Variants in OSBPL10 observed in about 807,000 individuals in gnomAD.
OSBPL10 encodes oxysterol binding protein like 10.
A neutral mutation model predicts 81.7 loss-of-function variants in OSBPL10; 49 were observed. The ratio of observed to expected loss-of-function variants is 0.60; its 90% CI spans 0.48 to 0.76. The LOEUF is 0.76. Among genes scored for constraint, OSBPL10 ranks in the 30% least tolerant of loss-of-function variants. OSBPL10 has a pLI of 0.00. For missense variants in OSBPL10, 923 were observed against 987.8 expected (o/e 0.93, Z 0.88); for synonymous variants, 419 against 383.6 (o/e 1.09, Z -1.08).
Position 31,876,503 on chromosome 3 carries a change from G to T in OSBPL10, c.467C>A (p.Ala156Glu), listed in dbSNP as rs778069580. 4.3e-6 allele frequency: 7 copies of T among 1,611,974 alleles called. No homozygotes were observed. The African/African-American group carries it at 9.4e-5, about 22-fold the overall frequency. Residue 156 changes from alanine (A) to glutamate (E), a missense_variant, in exon 3 of 12, where the codon GCA (alanine) becomes GAA (glutamate). Ala to Glu is a moderately radical substitution (Grantham distance 107). Coordinates refer to ENST00000396556, the MANE Select transcript of OSBPL10 (RefSeq NM_017784.5). ...AGTCACCCAGAATTGTTTCTCTTTT[G>T]CATCAGCAGCTAAAATAGAGAAAAC... is the stretch of plus-strand genomic sequence containing the variant. ...GEMFKLRAAD[A>E]KEKQFWVTQL...
intron 2 of OSBPL10, among the ~76,000 whole-genome samples, chr3:32,020,600 G>C (rs1057509487): frequency 2.2e-4 from 34 of 151,914 alleles, no homozygotes; most frequent in African/African-American, 7.5e-4. Context: ...GAGTAATTGC[G>C]TACAAGTCTT....
In OSBPL10 at chr3:31,766,335, TTGTTTTTTTTTG is replaced by T. The variant is rs1188597500; in HGVS notation, c.730-18227_730-18216del. On this transcript the variant is annotated intron_variant, in intron 4 of 11. Transcript: ENST00000396556. ...GGCCCAATGTAGTTTTTTTGTTTTT[TTGTTTTTTTTTG>T]TTTTTTTTTTGAGACACGGTCTCAC... 1.2e-3 allele frequency among the ~76,000 whole-genome samples: 21 copies of T among 17,314 alleles called. 3 individuals carry two copies. The highest frequency in any genetic ancestry group is 0.011 in the East Asian group (3 of 262). The allele number at this position is 17,314 out of a possible 152,430, so 11.4% of individuals were successfully genotyped here. A position where few individuals can be genotyped will look rare whatever the true frequency, so the allele number is the denominator to read the frequency against.
chr3:31,699,403 C>G (rs1442486748), intron 7 of OSBPL10, among the ~76,000 whole-genome samples: 1 of 152,198 alleles, frequency 6.6e-6, no homozygotes, highest in Non-Finnish European at 1.5e-5. Flanking sequence ...GTTCCTCCAT[C>G]CTCTCTTCTT....
intron 1 of OSBPL10, among the ~76,000 whole-genome samples, chr3:31,963,326 C>T (rs1698222742): frequency 6.6e-6 from 1 of 151,968 alleles, no homozygotes; most frequent in Non-Finnish European, 1.5e-5. Flanking sequence ...TAGACATCTC[C>T]CTTTATTCTT....
At chr3:31,867,651 G>A (rs1701212962) in intron 3 of OSBPL10, among the ~76,000 whole-genome samples, 1 of 152,070 alleles carries the variant, frequency 6.6e-6, no homozygotes, top group Admixed American at 6.5e-5. Context: ...GCTGAGGCAA[G>A]AGAATTGCTT....
At chr3:31,787,784 A>C (rs1203892012) in intron 4 of OSBPL10, among the ~76,000 whole-genome samples, 1 of 152,114 alleles carries the variant, frequency 6.6e-6, no homozygotes, top group South Asian at 2.1e-4. Context: ...TGAAATCTAC[A>C]TGCCTTCTAG....
At chr3:31,910,148 A>G (rs1696531886) in intron 1 of OSBPL10, among the ~76,000 whole-genome samples, 1 of 151,630 alleles carries the variant, frequency 6.6e-6, no homozygotes, top group Non-Finnish European at 1.5e-5. Context: ...TGCCCAACTA[A>G]TTTTGTATTT....
At chr3:31,869,135 C>CT (rs1701254940) in intron 3 of OSBPL10, among the ~76,000 whole-genome samples, 1 of 152,198 alleles carries the variant, frequency 6.6e-6, no homozygotes, top group African/African-American at 2.4e-5. Context: ...CAGCAAATGG[C>CT]TTTCACTTCA....
In OSBPL10 at chr3:31,766,337, G is replaced by GT. The variant is rs1259127969; in HGVS notation, c.730-18218dup. Among the ~76,000 whole-genome samples, 145 of 26,818 alleles carry GT rather than the reference G, an allele frequency of 5.4e-3. 4 individuals are homozygous for GT. The highest frequency in any genetic ancestry group is 7.0e-3 in the African/African-American group (121 of 17,404). The allele number at this position is 26,818 out of a possible 152,430, so 17.6% of individuals were successfully genotyped here. ...CCCAATGTAGTTTTTTTGTTTTTTTGTTTTTTTTTGTTTTTTTTTTGAGAC... is the reference window on the plus strand; with the variant it reads ...CCCAATGTAGTTTTTTTGTTTTTTTGTTTTTTTTTTGTTTTTTTTTTGAGAC... On this transcript the variant is annotated intron_variant, in intron 4 of 11. Coordinates refer to ENST00000396556, the MANE Select transcript of OSBPL10 (RefSeq NM_017784.5).
intron 6 of OSBPL10, chr3:31,732,568 T>G (rs1697009513): frequency 1.3e-5 from 2 of 152,334 alleles, no homozygotes; most frequent in South Asian, 4.1e-4. Context: ...AAAACAAAAA[T>G]GGACTCAGGA....
intron 1 of OSBPL10, among the ~76,000 whole-genome samples, chr3:31,952,396 A>G (rs753826684): frequency 2.0e-5 from 3 of 152,132 alleles, no homozygotes; most frequent in Non-Finnish European, 2.9e-5. Context: ...ACTTCCTCCA[A>G]AAGAGTTCCC....
At chr3:32,041,325 T>C (rs1334072253) in intron 2 of OSBPL10, among the ~76,000 whole-genome samples, 1 of 152,242 alleles carries the variant, frequency 6.6e-6, no homozygotes, top group African/African-American at 2.4e-5. Flanking sequence ...TGGCTTCAGA[T>C]ATGGTACTTG....
Position 32,063,096 on chromosome 3 carries a change from A to G in OSBPL10, n.185+14300T>C, listed in dbSNP as rs1699760327. Among the ~76,000 whole-genome samples, 3 of 93,602 alleles carry G rather than the reference A, an allele frequency of 3.2e-5. 1 individual carries two copies. The South Asian group carries it at 1.2e-3, about 39-fold the overall frequency. The allele number at this position is 93,602 out of a possible 152,430, so 61.4% of individuals were successfully genotyped here. On this transcript the variant is annotated intron_variant and non_coding_transcript_variant, in intron 1 of 3. Transcript: ENST00000479173. ...CAAGACCTTGCAGTGGGATGTAATA[A>G]AACTTGAATTGCAGTCCTGAATCAT...
intron 4 of OSBPL10, among the ~76,000 whole-genome samples, chr3:31,770,359 T>C (rs1698344070): frequency 1.3e-5 from 2 of 152,332 alleles, no homozygotes; most frequent in South Asian, 4.1e-4. Context: ...AAATAGCCCA[T>C]TTCTTAAGCA....
chr3:31,927,593 AC>A (rs985078245), intron 1 of OSBPL10, among the ~76,000 whole-genome samples: 1 of 149,554 alleles, frequency 6.7e-6, no homozygotes, highest in African/African-American at 2.6e-5. Flanking sequence ...TATAAAAGGA[AC>A]AGAGGCTTGT....
At chr3:31,802,261 TAA>T (rs924719884) in intron 4 of OSBPL10, among the ~76,000 whole-genome samples, 1 of 151,676 alleles carries the variant, frequency 6.6e-6, no homozygotes, top group African/African-American at 2.4e-5. Flanking sequence ...AGCTGCTCTG[TAA>T]AGAATTCTCT....
At chr3:31,971,360 G>A (rs893193631) in intron 1 of OSBPL10, among the ~76,000 whole-genome samples, 3 of 151,908 alleles carry the variant, frequency 2.0e-5, no homozygotes, top group Admixed American at 2.0e-4. Flanking sequence ...GGCTGGTCTC[G>A]AACTCCTGAC....
intron 1 of OSBPL10, among the ~76,000 whole-genome samples, chr3:31,976,177 G>T (rs920356078): frequency 6.6e-6 from 1 of 152,106 alleles, no homozygotes; most frequent in African/African-American, 2.4e-5. Context: ...GAATTTTATG[G>T]ACCAGAAAGT....
At chr3:31,920,418 G>A (rs1696878136) in intron 1 of OSBPL10, among the ~76,000 whole-genome samples, 1 of 152,202 alleles carries the variant, frequency 6.6e-6, no homozygotes, top group African/African-American at 2.4e-5. Context: ...AAGGAGGTAG[G>A]AGAAAGAGTA....
Sources: allele counts gnomAD v4.1 joint callset (sites outside exome capture counted in the v4.1 genomes callset), GRCh38; gene constraint gnomAD v4.1.1; transcripts MANE v1.5; gene names NCBI Gene and HGNC (gene_info 2026-07-23, HGNC 2026-07-21).